The following TECPR2 variants were observed in gnomAD, a reference collection of about 807,000 sequenced individuals.
TECPR2 encodes the protein tectonin beta-propeller repeat containing 2.
Under a neutral mutation model 138.1 loss-of-function variants are expected in TECPR2, and 65 were observed. That is an observed-to-expected ratio of 0.47 (90% CI 0.39 to 0.58). TECPR2 has a LOEUF of 0.58. Among genes scored for constraint, TECPR2 ranks in the 20% least tolerant of loss-of-function variants. The pLI is 0.00. For synonymous variants in TECPR2, 746 were observed against 749.8 expected, an observed-to-expected ratio of 0.99 and a Z score of 0.08; for missense variants, 1,553 against 1,824.5, an observed-to-expected ratio of 0.85 and a Z score of 2.71.
intron 17 of TECPR2, among the ~76,000 whole-genome samples, chr14:102,486,729 G>A (rs1891035626): frequency 6.6e-6 from 1 of 152,174 alleles, no homozygotes; most frequent in Admixed American, 6.5e-5. Flanking sequence ...CAGAGATCAT[G>A]GTCCCCGGCT....
chr14:102,431,613 A>G (rs1447802662), intron 7 of TECPR2, among the ~76,000 whole-genome samples, 183 bp from the exon 8 acceptor site: 1 of 152,136 alleles, frequency 6.6e-6, no homozygotes, highest in Non-Finnish European at 1.5e-5. Flanking sequence ...AAGTGCTGGG[A>G]TTACAGGCGT....
intron 2 of TECPR2, among the ~76,000 whole-genome samples, chr14:102,384,631 T>C (rs578066638): frequency 1.4e-3 from 207 of 150,252 alleles, no homozygotes; most frequent in Non-Finnish European, 2.4e-3. Flanking sequence ...GAGCCAAGAC[T>C]GCACCACTGC....
At chr14:102,451,611 C>T (rs927567605) in intron 15 of TECPR2, among the ~76,000 whole-genome samples, 5 of 152,078 alleles carry the variant, frequency 3.3e-5, no homozygotes, top group African/African-American at 4.8e-5. Flanking sequence ...CACCGGGGAG[C>T]GCCTGGCCCC....
Position 102,443,937 on chromosome 14 carries a change from A to T in TECPR2, c.2933+110A>T. The T allele has an allele frequency of 7.5e-6, 8 of 1,065,766 alleles. No individual in the cohort carries two copies. Among genetic ancestry groups the T allele is most frequent in the Non-Finnish European group, 1.0e-5 (8 of 767,930 alleles). 66.0% of individuals were successfully genotyped at this position (1,065,766 alleles called of 1,614,324 possible). On this transcript the variant is annotated intron_variant, in intron 12 of 19. Transcript: ENST00000359520. This position sits in a 1 kb window ranked among gnomAD's most constrained non-coding sequence, Gnocchi z 4.9. Reference sequence around the variant, plus strand: ...GCCGTTCCTGGGAGGCAGCACCTGCAGCCTCCATGGCTATAGGCTAAGCTT... The same window carrying T: ...GCCGTTCCTGGGAGGCAGCACCTGCTGCCTCCATGGCTATAGGCTAAGCTT...
chr14:102,423,393 C>T (rs1363572357), intron 5 of TECPR2, among the ~76,000 whole-genome samples: 1 of 151,422 alleles, frequency 6.6e-6, no homozygotes, highest in East Asian at 1.9e-4. Flanking sequence ...GCCCAGATTG[C>T]GCCATTGCAC....
At chr14:102,491,810 G>A (rs948337901) in intron 17 of TECPR2, among the ~76,000 whole-genome samples, 12 of 152,230 alleles carry the variant, frequency 7.9e-5, no homozygotes, top group Non-Finnish European at 1.6e-4. Context: ...GTTTGTCCGG[G>A]TTGTGCCCCA....
intron 17 of TECPR2, among the ~76,000 whole-genome samples, chr14:102,475,728 C>G (rs982698361): frequency 1.3e-5 from 2 of 151,950 alleles, no homozygotes; most frequent in African/African-American, 4.8e-5. Flanking sequence ...TAACATTTAC[C>G]CAACAAGCAG....
At chr14:102,368,056 G>A (rs1887394621) in intron 1 of TECPR2, among the ~76,000 whole-genome samples, 1 of 139,354 alleles carries the variant, frequency 7.2e-6, no homozygotes, top group South Asian at 2.3e-4. Flanking sequence ...TGCCCAGGCT[G>A]GAGTGCAGTG....
At chr14:102,368,403 G>C (rs1887404252) in intron 1 of TECPR2, among the ~76,000 whole-genome samples, 1 of 152,124 alleles carries the variant, frequency 6.6e-6, no homozygotes, top group Non-Finnish European at 1.5e-5. Flanking sequence ...ATGAAGTCTT[G>C]CTGTGTTGAT....
At chr14:102,416,930 G>A (rs924787275) in intron 5 of TECPR2, among the ~76,000 whole-genome samples, 5 of 152,182 alleles carry the variant, frequency 3.3e-5, no homozygotes, top group African/African-American at 1.2e-4. Context: ...GTTGCAGTGA[G>A]CTGAGACTGC....
In TECPR2 at chr14:102,455,442, T is replaced by C. The variant is rs191056228; in HGVS notation, c.3640+2815T>C. On this transcript the variant is annotated intron_variant, in intron 16 of 19. Coordinates refer to ENST00000359520, the MANE Select transcript of TECPR2 (RefSeq NM_014844.5). ...AAGCTGCTGTCACCTTGAACCGCAATTTCCTCTCCTTTCTTTTTTTTCCAG... is the reference window on the plus strand; with the variant it reads ...AAGCTGCTGTCACCTTGAACCGCAACTTCCTCTCCTTTCTTTTTTTTCCAG... 3.9e-4 allele frequency among the ~76,000 whole-genome samples: 60 copies of C among 152,184 alleles called. No homozygotes were observed. In the East Asian group the frequency reaches 0.011, roughly 29 times the overall value.
In TECPR2 at chr14:102,408,627, T is replaced by C; in HGVS notation, c.480+8T>C. 1 of 1,597,688 alleles carries C rather than the reference T, an allele frequency of 6.3e-7. No individual in the cohort carries two copies. ...TCTCTGGATCTAGACCAGGTAAAATTATTTTCAGAAATACTGTTGGCTCTT... is the reference window on the plus strand; with the variant it reads ...TCTCTGGATCTAGACCAGGTAAAATCATTTTCAGAAATACTGTTGGCTCTT... On this transcript the variant is annotated splice_region_variant and intron_variant, in intron 4 of 19. Transcript: ENST00000359520.
intron 11 of TECPR2, among the ~76,000 whole-genome samples, chr14:102,441,782 T>C (rs1416556465): frequency 6.6e-6 from 1 of 152,178 alleles, no homozygotes; most frequent in African/African-American, 2.4e-5. Flanking sequence ...CAGTGGGACT[T>C]GCTTATTAAA....
At chr14:102,492,793 G>A (rs968679139) in intron 17 of TECPR2, among the ~76,000 whole-genome samples, 4 of 152,372 alleles carry the variant, frequency 2.6e-5, no homozygotes, top group East Asian at 3.9e-4. Flanking sequence ...CGACTGGCAA[G>A]GCCAGGGTGA....
chr14:102,428,215 G>GTTTTTTTTTTTTTTTTTTTTTT (rs375843791), intron 6 of TECPR2, 35 bp from the exon 7 acceptor site: 3 of 1,309,922 alleles, frequency 2.3e-6, no homozygotes, highest in South Asian at 1.4e-5. Context: ...TTAGTTTTGT[G>GTTTTTTTTTTTTTTTTTTTTTT]TTTTTTGTTT....
chr14:102,409,520 A>T (rs1370826088), intron 4 of TECPR2, among the ~76,000 whole-genome samples: 1 of 152,044 alleles, frequency 6.6e-6, no homozygotes, highest in Non-Finnish European at 1.5e-5. Context: ...GCTGGTCTTG[A>T]ACTCCTGACC....
intron 2 of TECPR2, among the ~76,000 whole-genome samples, chr14:102,392,851 G>T (rs2139676644): frequency 6.6e-6 from 1 of 152,134 alleles, no homozygotes; most frequent in East Asian, 1.9e-4. Context: ...AGCTTTGCTT[G>T]GAAAGAGAAT....
At chr14:102,409,898 G>A (rs1052840206) in intron 4 of TECPR2, among the ~76,000 whole-genome samples, 4 of 152,078 alleles carry the variant, frequency 2.6e-5, no homozygotes, top group Non-Finnish European at 4.4e-5. Flanking sequence ...TCCGCCTCCC[G>A]GGTTCAAGGG....
chr14:102,484,088 T>C (rs1890965915), intron 17 of TECPR2, among the ~76,000 whole-genome samples: 1 of 152,116 alleles, frequency 6.6e-6, no homozygotes, highest in African/African-American at 2.4e-5. Context: ...TTAGCTACTG[T>C]GCCCAGCCTG....
Sources: gnomAD v4.1 joint callset for allele counts (sites outside exome capture counted in the v4.1 genomes callset) on GRCh38, gnomAD v4.1.1 for gene constraint, Gnocchi (gnomAD v3.1) non-coding constraint, MANE v1.5 for transcripts, NCBI Gene and HGNC (gene_info 2026-07-23, HGNC 2026-07-21) for gene names.